The following SLC35F2 variants were observed in gnomAD, a reference collection of about 807,000 sequenced individuals.
SLC35F2 encodes queuine/queuosine transporter SLC35F2.
Under a neutral mutation model 38.1 loss-of-function variants are expected in SLC35F2, and 25 were observed. The observed-to-expected ratio is 0.66, with a 90% CI of 0.48 to 0.92. The LOEUF (loss-of-function observed/expected upper bound fraction) is 0.92. Among genes scored for constraint, SLC35F2 ranks in the 40% least tolerant of loss-of-function variants. The probability of loss-of-function intolerance (pLI) is 0.00; values close to 1 mark genes in which losing one functional copy is unlikely to be tolerated. For synonymous variants in SLC35F2, 173 were observed against 181.7 expected, an observed-to-expected ratio of 0.95 and a Z score of 0.38; for missense variants, 409 against 452.9, an observed-to-expected ratio of 0.90 and a Z score of 0.88.
At chr11:107,830,529 A>G (rs1239201492) in intron 1 of SLC35F2, among the ~76,000 whole-genome samples, 1 of 147,804 alleles carries the variant, frequency 6.8e-6, no homozygotes, top group African/African-American at 2.5e-5. Context: ...GCTTGCAGTG[A>G]GCCGAGATCA....
intron 3 of SLC35F2, among the ~76,000 whole-genome samples, chr11:107,808,232 C>G (rs1411579761): frequency 6.6e-6 from 1 of 152,170 alleles, no homozygotes; most frequent in East Asian, 1.9e-4. Context: ...CATGCTCCCC[C>G]TCACCTGTTG....
intron 7 of SLC35F2, among the ~76,000 whole-genome samples, chr11:107,798,709 A>G (rs1309131762): frequency 6.6e-6 from 1 of 152,322 alleles, no homozygotes; most frequent in East Asian, 1.9e-4. Context: ...TGCTTCAAAA[A>G]ATTAGAGCCA....
chr11:107,846,339 C>T (rs1302769371), intron 1 of SLC35F2, among the ~76,000 whole-genome samples: 1 of 152,118 alleles, frequency 6.6e-6, no homozygotes, highest in African/African-American at 2.4e-5. Flanking sequence ...TGATGATGAT[C>T]CTGAATCATG....
At chr11:107,858,598 C>G in intron 1 of SLC35F2, 60 bp downstream of exon 1, 1 of 1,234,976 alleles carries the variant, frequency 8.1e-7, no homozygotes, top group East Asian at 3.1e-5. Context: ...TCCACGTGCG[C>G]GCAGGGCCCG....
intron 1 of SLC35F2, among the ~76,000 whole-genome samples, chr11:107,830,815 AAG>A (rs1175637398): frequency 6.6e-6 from 1 of 152,112 alleles, no homozygotes; most frequent in African/African-American, 2.4e-5. Context: ...GATTAGTTAA[AAG>A]AGAGAGAGAA....
chr11:107,856,105 C>CAAAAAAAAAAA (rs1229189240), intron 1 of SLC35F2, among the ~76,000 whole-genome samples: 1 of 95,650 alleles, frequency 1.0e-5, no homozygotes, highest in East Asian at 3.0e-4. Context: ...AACTCTGTCT[C>CAAAAAAAAAAA]AAAAAAAAAA....
intron 1 of SLC35F2, 172 bp downstream of exon 1, chr11:107,858,486 T>A (rs1475443888): frequency 2.0e-6 from 1 of 499,560 alleles, no homozygotes; most frequent in Non-Finnish European, 3.2e-6. Context: ...CGACGCCAGG[T>A]GAAGCGCACC....
chr11:107,838,140 C>G (rs1378168330), intron 1 of SLC35F2, among the ~76,000 whole-genome samples: 1 of 152,090 alleles, frequency 6.6e-6, no homozygotes, highest in Admixed American at 6.6e-5. Context: ...AATGGCAGAA[C>G]CTGGAGACCA....
At chr11:107,842,888 C>CA (rs1239422181) in intron 1 of SLC35F2, among the ~76,000 whole-genome samples, 1 of 151,910 alleles carries the variant, frequency 6.6e-6, no homozygotes, top group African/African-American at 2.4e-5. Flanking sequence ...TATACAATAG[C>CA]AAAAAACCCG....
intron 1 of SLC35F2, among the ~76,000 whole-genome samples, chr11:107,851,652 C>G (rs1043803817): frequency 6.6e-6 from 1 of 151,730 alleles, no homozygotes; most frequent in Non-Finnish European, 1.5e-5. Context: ...GCCATGCATC[C>G]CATATTTTTT....
intron 1 of SLC35F2, among the ~76,000 whole-genome samples, chr11:107,827,332 G>A (rs1191099631): frequency 1.3e-5 from 2 of 152,106 alleles, no homozygotes; most frequent in Non-Finnish European, 2.9e-5. Flanking sequence ...AAAGAACTAG[G>A]AGCTGGGCGT....
intron 7 of SLC35F2, among the ~76,000 whole-genome samples, chr11:107,794,086 T>TC (rs1317461872): frequency 1.3e-5 from 2 of 148,396 alleles, no homozygotes; most frequent in East Asian, 3.9e-4. Context: ...ATTTTTTCTT[T>TC]TTTTTTTTTT....
At chr11:107,802,242 A>AAAATAAATAAATAAAAAAATAAATAAAT (rs1555082409) in intron 7 of SLC35F2, among the ~76,000 whole-genome samples, 1 of 147,892 alleles carries the variant, frequency 6.8e-6, no homozygotes, top group African/African-American at 2.6e-5. Context: ...CATCTCAAAA[A>AAAATAAATAAATAAAAAAATAAATAAAT]AAATAAATAA....
At chr11:107,798,946 G>A (rs1474102327) in intron 7 of SLC35F2, among the ~76,000 whole-genome samples, 2 of 152,126 alleles carry the variant, frequency 1.3e-5, no homozygotes, top group Non-Finnish European at 2.9e-5. Context: ...TTTGGTGGCA[G>A]GTGCCTGTAA....
At chr11:107,826,698 T>A (rs962820117) in intron 1 of SLC35F2, among the ~76,000 whole-genome samples, 1 of 152,170 alleles carries the variant, frequency 6.6e-6, no homozygotes, top group Non-Finnish European at 1.5e-5. Context: ...AAATTAAATT[T>A]AAAAAAGCCA....
At chr11:107,813,680 T>C (rs566072935) in intron 2 of SLC35F2, among the ~76,000 whole-genome samples, 10 of 152,198 alleles carry the variant, frequency 6.6e-5, no homozygotes, top group African/African-American at 2.4e-4. Flanking sequence ...TTTTTTTTCC[T>C]TTGGAGACAG....
chr11:107,810,159 C>T, intron 3 of SLC35F2: 1 of 985,454 alleles, frequency 1.0e-6, no homozygotes, highest in Non-Finnish European at 1.2e-6. Flanking sequence ...GTCGCTGCTG[C>T]TGGAGAAAAC....
At chr11:107,819,611 T>G (rs1395120196) in intron 1 of SLC35F2, among the ~76,000 whole-genome samples, 1 of 152,162 alleles carries the variant, frequency 6.6e-6, no homozygotes, top group Admixed American at 6.5e-5. Context: ...CACCACTTAG[T>G]CCGGTATAGT....
chr11:107,857,780 A>G (rs1860316977), intron 1 of SLC35F2, among the ~76,000 whole-genome samples: 1 of 152,092 alleles, frequency 6.6e-6, no homozygotes, highest in Admixed American at 6.6e-5. Context: ...CCCCTTAAAG[A>G]TCATCTTGTG....
Sources: gnomAD v4.1 joint callset for allele counts (sites outside exome capture counted in the v4.1 genomes callset) on GRCh38, gnomAD v4.1.1 for gene constraint, MANE v1.5 for transcripts, NCBI Gene and HGNC (gene_info 2026-07-23, HGNC 2026-07-21) for gene names.